The following DOP1A variants were observed in gnomAD, a reference collection of about 807,000 sequenced individuals.
The protein encoded by DOP1A is DOP1 leucine zipper like protein A.
A neutral mutation model predicts 267.6 loss-of-function variants in DOP1A; 90 were observed. That is an observed-to-expected ratio of 0.34 (90% CI 0.28 to 0.40). DOP1A has a LOEUF of 0.40. DOP1A is among the 10% of genes least tolerant of loss of function. DOP1A has a pLI of 1.00. For synonymous variants in DOP1A, 932 were observed against 999.1 expected (o/e 0.93, Z 1.27); for missense variants, 2,437 against 2,900.4 (o/e 0.84, Z 3.67).
intron 38 of DOP1A, chr6:83,164,667 A>C (rs751959659): frequency 1.3e-6 from 2 of 1,579,586 alleles, no homozygotes; most frequent in East Asian, 4.6e-5. Flanking sequence ...CAGGACAAGG[A>C]GGAGGACTTT....
intron 6 of DOP1A, among the ~76,000 whole-genome samples, 159 bp downstream of exon 6, chr6:83,110,473 T>G (rs901712681): frequency 6.6e-6 from 1 of 152,174 alleles, no homozygotes; most frequent in Non-Finnish European, 1.5e-5. Flanking sequence ...AATTATTATT[T>G]TTAAAAGCTT....
At chr6:83,100,469 T>C (rs1360704909) in intron 3 of DOP1A, among the ~76,000 whole-genome samples, 2 of 152,208 alleles carry the variant, frequency 1.3e-5, no homozygotes, top group Non-Finnish European at 1.5e-5. Flanking sequence ...GAAAATATCA[T>C]TTTTCATTAA....
In DOP1A at chr6:83,109,080, G is replaced by C. The variant is rs555080217; in HGVS notation, c.491G>C (p.Arg164Thr). ...GAAGAAGGATCAGAGTACTATGAGA[G>C]GTAAGATCATATTTGGTGCAGTTAT... ...GLEEGSEYYERTNMLLEKVAA... is the reference protein window; with the variant it reads ...GLEEGSEYYETTNMLLEKVAA... The change falls in exon 5 of 39, where the codon AGA becomes ACA. Residue 164 changes from arginine (R) to threonine (T), a missense_variant and splice_region_variant. Physicochemically the swap from Arg to Thr is moderately conservative, Grantham distance 71. Around this residue, in one of 9 missense-constraint regions of DOP1A, gnomAD observed 251 missense variants for 359.1 expected, o/e 0.70. Transcript: ENST00000349129. The C allele has an allele frequency of 6.2e-7, 1 of 1,608,754 alleles. No homozygotes were observed. Among genetic ancestry groups the C allele is most frequent in the Non-Finnish European group, 8.5e-7 (1 of 1,178,576 alleles).
At chr6:83,083,193 C>CT (rs1476175782) in intron 1 of DOP1A, among the ~76,000 whole-genome samples, 3 of 152,066 alleles carry the variant, frequency 2.0e-5, no homozygotes, top group African/African-American at 7.2e-5. Flanking sequence ...ATTTTAAACA[C>CT]TATCAGTATT....
At chr6:83,090,039 A>G (rs1770054110) in intron 1 of DOP1A, among the ~76,000 whole-genome samples, 1 of 152,234 alleles carries the variant, frequency 6.6e-6, no homozygotes, top group Non-Finnish European at 1.5e-5. Flanking sequence ...TTTGCTGCCA[A>G]GAAATTCAGA....
intron 1 of DOP1A, among the ~76,000 whole-genome samples, chr6:83,086,466 G>A (rs1769263376): frequency 6.6e-6 from 1 of 152,072 alleles, no homozygotes; most frequent in Non-Finnish European, 1.5e-5. Flanking sequence ...TAGTAGAAGT[G>A]GAAGAAAATC....
At chr6:83,128,220 A>G (rs1365415602) in intron 15 of DOP1A, among the ~76,000 whole-genome samples, 1 of 152,240 alleles carries the variant, frequency 6.6e-6, no homozygotes, top group Non-Finnish European at 1.5e-5. Context: ...AAACTAAGCC[A>G]GAAAATATGC....
chr6:83,140,212 TG>T lies in DOP1A; in HGVS notation c.5233-8del. On this transcript the variant is annotated splice_polypyrimidine_tract_variant and splice_region_variant and intron_variant, in intron 22 of 38. Coordinates refer to ENST00000349129, the MANE Select transcript of DOP1A (RefSeq NM_015018.4). The stretch of plus-strand genomic sequence containing the variant: ...AGTAATATGTTTCTTTTCCCCCAAC[TG>T]TTAATAGCTTTTGGTCAGTGTAGAC... 1.2e-6 allele frequency: 2 copies of T among 1,607,304 alleles called. No homozygotes were observed. The highest frequency in any genetic ancestry group is 1.7e-6 in the Non-Finnish European group (2 of 1,177,118).
intron 1 of DOP1A, among the ~76,000 whole-genome samples, chr6:83,077,207 G>A (rs952495034): frequency 7.9e-5 from 12 of 152,196 alleles, no homozygotes; most frequent in Non-Finnish European, 8.8e-5. Flanking sequence ...CAGTGGTTAA[G>A]ATGGTAAATT....
At chr6:83,170,977 CTG>C (rs1315953635), downstream of DOP1A, 5 of 154,140 alleles carry the variant, frequency 3.2e-5, no homozygotes, top group East Asian at 3.8e-4. Flanking sequence ...AGGAAGTACT[CTG>C]TGAACTAAAC....
chr6:83,073,020 A>G, intron 1 of DOP1A: 1 of 358,630 alleles, frequency 2.8e-6, no homozygotes. Context: ...TGGAAGAAAT[A>G]AGTGTTTGAA....
At chr6:83,170,672 T>C, downstream of DOP1A, 1 of 527,084 alleles carries the variant, frequency 1.9e-6, no homozygotes, top group Non-Finnish European at 3.3e-6. Context: ...AAGAATTACC[T>C]TTGGCAAAAA....
chr6:83,157,148 T>G, intron 34 of DOP1A, 34 bp from the exon 35 acceptor site: 1 of 1,601,662 alleles, frequency 6.2e-7, no homozygotes, highest in South Asian at 1.1e-5. Flanking sequence ...ATAAAGATTA[T>G]TTAGTTATTG....
chr6:83,147,837 T>A (rs1286373312), intron 26 of DOP1A, among the ~76,000 whole-genome samples: 3 of 152,184 alleles, frequency 2.0e-5, no homozygotes, highest in South Asian at 4.1e-4. Flanking sequence ...CTGCCTAAAA[T>A]CTGAACTTAT....
chr6:83,123,958 G>A (rs1239757912), intron 12 of DOP1A, among the ~76,000 whole-genome samples: 1 of 151,996 alleles, frequency 6.6e-6, no homozygotes, highest in African/African-American at 2.4e-5. Flanking sequence ...GGCTTCACTT[G>A]TGCTATTCCT....
chr6:83,124,766 C>T lies in DOP1A; in HGVS notation c.1402C>T (p.Gln468Ter). Residue 468 changes from glutamine (Q) to a stop codon, truncating the protein, a stop_gained, in exon 13 of 39, where the codon CAG (glutamine) becomes TAG (stop). Transcript: ENST00000349129. LOFTEE classifies it high-confidence loss of function. ...PGDSNDSSEL[Q>*]LTNFCLLVDF... ...AGATAGTAATGACTCATCTGAATTA[C>T]AGCTGACCAATTTCTGCTTACTGGT... 1 of 1,613,320 alleles carries T rather than the reference C, an allele frequency of 6.2e-7. No homozygotes were observed. The highest frequency in any genetic ancestry group is 8.5e-7 in the Non-Finnish European group (1 of 1,179,576).
At chr6:83,169,724 T>G, downstream of DOP1A, 1 of 458,724 alleles carries the variant, frequency 2.2e-6, no homozygotes, top group South Asian at 1.5e-5. Context: ...AGCTGCCAAA[T>G]GTCTCCTCCT....
chr6:83,151,721 A>T (rs188896695), intron 28 of DOP1A, 62 bp downstream of exon 28: 1 of 1,514,598 alleles, frequency 6.6e-7, no homozygotes, highest in African/African-American at 1.4e-5. Context: ...TGAAAATGAG[A>T]GAGTCAAATA....
In DOP1A at chr6:83,127,972, A is replaced by G. The variant is rs371062509; in HGVS notation, c.1720-915A>G. ...CTAGTGAATGGCAGAGCCCTAGTTG[A>G]CTCAAGGCCTGCACCCTTAACCCCT... is the stretch of plus-strand genomic sequence containing the variant. On this transcript the variant is annotated intron_variant, in intron 15 of 38. Coordinates refer to ENST00000349129, the MANE Select transcript of DOP1A (RefSeq NM_015018.4). Among the ~76,000 whole-genome samples, 229 of 152,270 alleles carry G rather than the reference A, an allele frequency of 1.5e-3. 2 individuals carry two copies. The South Asian group carries it at 0.016, about 11-fold the overall frequency.
Sources: gnomAD v4.1 joint callset for allele counts (sites outside exome capture counted in the v4.1 genomes callset) on GRCh38, gnomAD v4.1.1 for gene constraint, gnomAD v4.1.1 regional missense constraint, MANE v1.5 for transcripts, NCBI Gene and HGNC (gene_info 2026-07-23, HGNC 2026-07-21) for gene names.